GLI3: variants seen among roughly 807,000 people sequenced by gnomAD.
The protein encoded by GLI3 is GLI family zinc finger 3, also known as transcription activator GLI3.
A neutral mutation model predicts 100.8 loss-of-function variants in GLI3; 20 were observed. That is an observed-to-expected ratio of 0.20 (90% CI 0.14 to 0.29). The LOEUF is 0.29. Among genes scored for constraint, GLI3 ranks in the 10% least tolerant of loss-of-function variants. The pLI, the probability that GLI3 is intolerant of heterozygous loss-of-function variation, is 1.00. For missense variants in GLI3, 2,040 were observed against 2,128.5 expected, an observed-to-expected ratio of 0.96 and a Z score of 0.82; for synonymous variants, 938 against 860.5, an observed-to-expected ratio of 1.09 and a Z score of -1.58.
At chr7:42,130,462 A>G (rs1359600995) in intron 3 of GLI3, among the ~76,000 whole-genome samples, 1 of 152,250 alleles carries the variant, frequency 6.6e-6, no homozygotes, top group Non-Finnish European at 1.5e-5. Context: ...CAAGATGTTA[A>G]GAAGAAGTTT....
chr7:42,223,336 G>GAAAAAA (rs11266806), intron 1 of GLI3, 41 bp from the exon 2 acceptor site: 2 of 845,442 alleles, frequency 2.4e-6, no homozygotes, highest in South Asian at 3.1e-5. Flanking sequence ...CAAAATGGTG[G>GAAAAAA]AAAAAAAAAA....
intron 9 of GLI3, among the ~76,000 whole-genome samples, chr7:42,023,922 A>C (rs1215180125): frequency 6.6e-6 from 1 of 152,232 alleles, no homozygotes; most frequent in Non-Finnish European, 1.5e-5. Flanking sequence ...ACCCAAAACA[A>C]AACGTAAAAC....
At chr7:42,084,499 C>T (rs1263844034) in intron 3 of GLI3, among the ~76,000 whole-genome samples, 1 of 152,252 alleles carries the variant, frequency 6.6e-6, no homozygotes, top group African/African-American at 2.4e-5. Context: ...GCTGACCAGC[C>T]ATATCCTTCC....
intron 1 of GLI3, among the ~76,000 whole-genome samples, chr7:42,248,959 C>T (rs1320567282): frequency 6.6e-6 from 1 of 152,000 alleles, no homozygotes; most frequent in Non-Finnish European, 1.5e-5. Context: ...CTAGGCTGGT[C>T]TCCAAGTCCT....
intron 1 of GLI3, among the ~76,000 whole-genome samples, chr7:42,255,016 G>T (rs1789070704): frequency 6.6e-6 from 1 of 151,236 alleles, no homozygotes. Flanking sequence ...TTTTCCATCT[G>T]CTCTTTGTGT....
intron 5 of GLI3, 70 bp downstream of exon 5, chr7:42,048,421 T>C: frequency 9.7e-7 from 1 of 1,028,846 alleles, no homozygotes; most frequent in Non-Finnish European, 1.5e-6. Flanking sequence ...GTCTACTTTA[T>C]ACACGTCCCG....
intron 1 of GLI3, among the ~76,000 whole-genome samples, chr7:42,250,901 C>T (rs2128710339): frequency 6.6e-6 from 1 of 152,318 alleles, no homozygotes; most frequent in Non-Finnish European, 1.5e-5. Flanking sequence ...CTACCTTCTT[C>T]CTGTCTTCCT....
rs1562775638 is a variant in GLI3, at chr7:42,182,646, A to ATG, written c.125-34179_125-34178insCA. Among the ~76,000 whole-genome samples the ATG allele has an allele frequency of 8.3e-4, 52 of 62,386 alleles. 1 individual carries two copies. The highest frequency in any genetic ancestry group is 4.1e-3 in the African/African-American group (44 of 10,746). 40.9% of individuals were successfully genotyped at this position (62,386 alleles called of 152,430 possible). A position where few individuals can be genotyped will look rare whatever the true frequency, so the allele number is the denominator to read the frequency against. ...TATATGCATATGTATATGTGTGTGT[A>ATG]TATATATATATATATATATATATAT... On this transcript the variant is annotated intron_variant, in intron 2 of 14. Transcript: ENST00000395925.
At chr7:42,046,668 C>T (rs1274053045) in intron 5 of GLI3, among the ~76,000 whole-genome samples, 3 of 152,094 alleles carry the variant, frequency 2.0e-5, no homozygotes, top group East Asian at 1.9e-4. Context: ...TCCACTAGCC[C>T]GAATAAATTT....
At position 41,989,634 on chromosome 7, in the gene GLI3, C is replaced by T. The variant is rs551302691; in HGVS notation, c.1498-10886G>A. ...ATTGTATCCCAGAACATTAAAATTC[C>T]CTCACCTATGGGCTTGGTTTTCTGC... On this transcript the variant is annotated intron_variant, in intron 10 of 14. Coordinates refer to ENST00000395925, the MANE Select transcript of GLI3 (RefSeq NM_000168.6). 3.4e-3 allele frequency among the ~76,000 whole-genome samples: 517 copies of T among 152,198 alleles called. 2 individuals are homozygous for T. Among genetic ancestry groups the T allele is most frequent in the Non-Finnish European group, 5.2e-3 (352 of 68,012 alleles).
chr7:42,163,505 T>C (rs1354679076), intron 2 of GLI3, among the ~76,000 whole-genome samples: 6 of 151,914 alleles, frequency 3.9e-5, no homozygotes, highest in Admixed American at 3.9e-4. Flanking sequence ...CTCGGCTCAC[T>C]GCAACCTCCA....
intron 3 of GLI3, among the ~76,000 whole-genome samples, chr7:42,109,826 T>C (rs1325120111): frequency 6.6e-6 from 1 of 152,200 alleles, no homozygotes; most frequent in Admixed American, 6.5e-5. Flanking sequence ...CAGCAGCAGT[T>C]ATGAACGTCG....
In GLI3 at chr7:42,208,458, C is replaced by T. The variant is rs373528609; in HGVS notation, c.124+14672G>A. Among the ~76,000 whole-genome samples the T allele has an allele frequency of 2.6e-5, 4 of 152,322 alleles. No homozygotes were observed. The East Asian group carries it at 7.7e-4, about 29-fold the overall frequency. On this transcript the variant is annotated intron_variant, in intron 2 of 14. Coordinates refer to ENST00000395925, the MANE Select transcript of GLI3 (RefSeq NM_000168.6). ...TTTAGTGCCCTTGCTTCAGCTGCAT[C>T]TGAACGCTGCTGCCTAACTTTTCAA... is the stretch of plus-strand genomic sequence containing the variant.
intron 3 of GLI3, among the ~76,000 whole-genome samples, chr7:42,083,382 C>T (rs1246375697): frequency 6.6e-6 from 1 of 152,252 alleles, no homozygotes; most frequent in Non-Finnish European, 1.5e-5. Flanking sequence ...TTCTTCTTTA[C>T]ATCTGAATAG....
chr7:42,216,647 C>T (rs888555353), intron 2 of GLI3, among the ~76,000 whole-genome samples: 2 of 152,076 alleles, frequency 1.3e-5, no homozygotes, highest in East Asian at 1.9e-4. Context: ...CTCTCTAAAA[C>T]ATGAAGTCTA....
chr7:42,226,171 A>T (rs1399597816), intron 1 of GLI3, among the ~76,000 whole-genome samples: 1 of 152,220 alleles, frequency 6.6e-6, no homozygotes, highest in Non-Finnish European at 1.5e-5. Context: ...GTTCCCTTCG[A>T]CACACACATA....
chr7:42,004,850 G>A (rs1025837534), intron 10 of GLI3, among the ~76,000 whole-genome samples: 2 of 151,946 alleles, frequency 1.3e-5, no homozygotes, highest in African/African-American at 4.8e-5. Context: ...AAATCCGAAT[G>A]GTATATTCTT....
At position 41,965,314 on chromosome 7, in the gene GLI3, C is replaced by T; in HGVS notation, c.3759G>A (p.Gln1253=). The change falls in exon 15 of 15, where the codon CAG becomes CAA. Residue 1253 remains glutamine (Q), a synonymous_variant. Transcript: ENST00000395925. The part of the protein sequence containing the change: ...AFHEQPCKAP[Q]YGNCLNRQPV... ...GCTGCCTGTTGAGACAGTTCCCATA[C>T]TGCGGGGCCTTACAGGGCTGTTCAT... The T allele has an allele frequency of 1.2e-6, 2 of 1,614,002 alleles. No homozygotes were observed. Among genetic ancestry groups the T allele is most frequent in the African/African-American group, 1.3e-5 (1 of 75,058 alleles).
chr7:41,965,923 C>T lies in GLI3; in HGVS notation c.3150G>A (p.Thr1050=), dbSNP rs988871605. ...TTCGGGACTGGCCGCCCTCGGGCCG[C>T]GTGTAATTCTGAAGCACGAGACTGC... The part of the protein sequence containing the change: ...EKRSLVLQNY[T]RPEGGQSRNF... Residue 1050 remains threonine, a synonymous_variant, in exon 15 of 15, where the codon ACG becomes ACA. Coordinates refer to ENST00000395925, the MANE Select transcript of GLI3 (RefSeq NM_000168.6). 6.2e-7 allele frequency: 1 copy of T among 1,613,270 alleles called. No homozygotes were observed. The highest frequency in any genetic ancestry group is 8.5e-7 in the Non-Finnish European group (1 of 1,179,878).
Sources: allele counts gnomAD v4.1 joint callset (sites outside exome capture counted in the v4.1 genomes callset), GRCh38; gene constraint gnomAD v4.1.1; transcripts MANE v1.5; gene names NCBI Gene and HGNC (gene_info 2026-07-23, HGNC 2026-07-21).